Variants in SIPA1L3 observed in about 807,000 individuals in gnomAD.
SIPA1L3 encodes the protein signal induced proliferation associated 1 like 3.
SIPA1L3 carries 59 observed loss-of-function variants against 150.1 expected under a neutral mutation model. The ratio of observed to expected loss-of-function variants is 0.39; its 90% CI spans 0.32 to 0.49. The LOEUF (loss-of-function observed/expected upper bound fraction) is 0.49, where lower values mean the gene tolerates loss of function less well. Among genes scored for constraint, SIPA1L3 ranks in the 20% least tolerant of loss-of-function variants. The pLI, the probability that SIPA1L3 is intolerant of heterozygous loss-of-function variation, is 0.86. For synonymous variants in SIPA1L3, 1,070 were observed against 1,077.6 expected, an observed-to-expected ratio of 0.99 and a Z score of 0.14; for missense variants, 2,211 against 2,489.5, an observed-to-expected ratio of 0.89 and a Z score of 2.38.
chr19:38,125,714 C>T (rs1306612971), intron 9 of SIPA1L3, among the ~76,000 whole-genome samples: 1 of 152,204 alleles, frequency 6.6e-6, no homozygotes. Context: ...CCCCGGCAGG[C>T]TGACTCAACT....
intron 2 of SIPA1L3, among the ~76,000 whole-genome samples, chr19:38,031,977 T>C (rs1968663944): frequency 6.6e-6 from 1 of 152,088 alleles, no homozygotes; most frequent in Admixed American, 6.6e-5. Context: ...ATGCTACCTT[T>C]GGGGAGAAAC....
intron 2 of SIPA1L3, among the ~76,000 whole-genome samples, chr19:38,080,985 T>C (rs1259436029): frequency 2.8e-5 from 4 of 142,952 alleles, no homozygotes; most frequent in African/African-American, 1.0e-4. Flanking sequence ...AAAAAAAAAA[T>C]GATGTCTGGG....
At chr19:37,974,993 T>C (rs1395469515) in intron 1 of SIPA1L3, among the ~76,000 whole-genome samples, 2 of 152,174 alleles carry the variant, frequency 1.3e-5, no homozygotes, top group Non-Finnish European at 2.9e-5. Context: ...CTGGCTAACA[T>C]GGTGAAACCC....
chr19:38,123,577 G>A (rs1971080616), intron 9 of SIPA1L3, among the ~76,000 whole-genome samples: 1 of 148,782 alleles, frequency 6.7e-6, no homozygotes, highest in East Asian at 2.0e-4. Context: ...GCACAGGGTT[G>A]GGGGTAAGGT....
At chr19:38,071,257 CTA>C (rs1969716407) in intron 2 of SIPA1L3, among the ~76,000 whole-genome samples, 1 of 151,848 alleles carries the variant, frequency 6.6e-6, no homozygotes, top group Non-Finnish European at 1.5e-5. Flanking sequence ...ATCTATCTAT[CTA>C]TCTATCTGCC....
chr19:38,155,495 A>G (rs1194569237), intron 13 of SIPA1L3, among the ~76,000 whole-genome samples: 1 of 152,230 alleles, frequency 6.6e-6, no homozygotes, highest in East Asian at 1.9e-4. Context: ...TACTCAGATG[A>G]ATATTTTAAA....
At chr19:38,089,328 CAAAAAAA>C (rs55806031) in intron 4 of SIPA1L3, among the ~76,000 whole-genome samples, 2 of 64,286 alleles carry the variant, frequency 3.1e-5, no homozygotes, top group Non-Finnish European at 6.8e-5. Flanking sequence ...GACTGTGTCT[CAAAAAAA>C]AAAAAAAAAA....
intron 9 of SIPA1L3, among the ~76,000 whole-genome samples, chr19:38,123,901 A>T (rs1161302766): frequency 1.5e-5 from 2 of 132,826 alleles, no homozygotes; most frequent in Admixed American, 7.4e-5. Flanking sequence ...GGGGCTCCTC[A>T]CTTCCCAGTA....
intron 1 of SIPA1L3, among the ~76,000 whole-genome samples, chr19:37,919,566 T>C (rs1305505214): frequency 6.6e-6 from 1 of 152,124 alleles, no homozygotes; most frequent in Non-Finnish European, 1.5e-5. Flanking sequence ...GTGTGGTCTT[T>C]CGATGAACAG....
At chr19:37,945,389 A>T (rs1317415666) in intron 1 of SIPA1L3, among the ~76,000 whole-genome samples, 1 of 151,978 alleles carries the variant, frequency 6.6e-6, no homozygotes, top group East Asian at 1.9e-4. Flanking sequence ...GTGTACCACC[A>T]CACCTGGCTG....
At chr19:37,913,671 C>T (rs1262413611) in intron 1 of SIPA1L3, among the ~76,000 whole-genome samples, 1 of 151,370 alleles carries the variant, frequency 6.6e-6, no homozygotes, top group Non-Finnish European at 1.5e-5. Flanking sequence ...GCTGGGATTA[C>T]AGGCGTGAGC....
intron 15 of SIPA1L3, among the ~76,000 whole-genome samples, chr19:38,176,309 G>A (rs1972434311): frequency 6.6e-6 from 1 of 151,996 alleles, no homozygotes; most frequent in Admixed American, 6.6e-5. Context: ...CACTGCACCC[G>A]GCTGGCCACT....
rs766842568 is a variant in SIPA1L3 at position 38,164,951 on chromosome 19, G to A, written c.4208+45G>A. On this transcript the variant is annotated intron_variant, in intron 15 of 21. Transcript: ENST00000222345. This position sits in a 1 kb window ranked among gnomAD's most constrained non-coding sequence, Gnocchi z 4.1. ...CTGGGTTCTAACCACCTTCCACTTC[G>A]CCAGTTCTACTTTTACGGTCCTGAT... 8.1e-6 allele frequency: 12 copies of A among 1,478,016 alleles called. No homozygotes were observed. The highest frequency in any genetic ancestry group is 2.3e-5 in the Admixed American group (1 of 42,972). 91.6% of individuals were successfully genotyped at this position (1,478,016 alleles called of 1,614,324 possible).
chr19:38,056,347 T>G (rs1599963917), intron 2 of SIPA1L3, among the ~76,000 whole-genome samples: 1 of 152,018 alleles, frequency 6.6e-6, no homozygotes, highest in Non-Finnish European at 1.5e-5. Context: ...GCCATGGAGG[T>G]CAACTCCAGA....
chr19:38,006,239 G>A (rs1045554374), intron 1 of SIPA1L3, among the ~76,000 whole-genome samples: 7 of 152,112 alleles, frequency 4.6e-5, no homozygotes, highest in African/African-American at 1.7e-4. Context: ...GCCTGAGGTG[G>A]GGTAGAGCCA....
intron 1 of SIPA1L3, among the ~76,000 whole-genome samples, chr19:37,948,801 G>C (rs750157205): frequency 7.9e-5 from 12 of 152,178 alleles, no homozygotes; most frequent in Admixed American, 4.6e-4. Context: ...TGTTTTATTA[G>C]AAGTGACCAA....
At chr19:37,974,363 A>AT (rs1215431441) in intron 1 of SIPA1L3, among the ~76,000 whole-genome samples, 1 of 152,086 alleles carries the variant, frequency 6.6e-6, no homozygotes, top group African/African-American at 2.4e-5. Flanking sequence ...CTACAAAAAA[A>AT]TTAGCCAGGT....
In SIPA1L3 at chr19:38,088,703, C is replaced by T; in HGVS notation, c.1535-18C>T. The T allele has an allele frequency of 6.2e-7, 1 of 1,611,558 alleles. No individual in the cohort carries two copies. The highest frequency in any genetic ancestry group is 1.1e-5 in the South Asian group (1 of 90,910). On this transcript the variant is annotated intron_variant, in intron 3 of 21. Transcript: ENST00000222345. ...TCCCAGACAGCTGAGCCTGAACTCG[C>T]CTGCTCTTCCTTCTTAGAACATGCC...
At chr19:37,951,990 C>T (rs1274917688) in intron 1 of SIPA1L3, among the ~76,000 whole-genome samples, 1 of 150,896 alleles carries the variant, frequency 6.6e-6, no homozygotes, top group Admixed American at 6.6e-5. Context: ...CTGGGCAGTT[C>T]AGGTCATTCC....
Sources: gnomAD v4.1 joint callset for allele counts (sites outside exome capture counted in the v4.1 genomes callset) on GRCh38, gnomAD v4.1.1 for gene constraint, Gnocchi (gnomAD v3.1) non-coding constraint, MANE v1.5 for transcripts, NCBI Gene and HGNC (gene_info 2026-07-23, HGNC 2026-07-21) for gene names.